The following ANHX variants were observed in gnomAD, a reference collection of about 807,000 sequenced individuals.
The protein encoded by ANHX is anomalous homeobox protein.
ANHX carries 20 observed loss-of-function variants against 38.9 expected under a neutral mutation model. The ratio of observed to expected loss-of-function variants is 0.51; its 90% CI spans 0.36 to 0.75. ANHX has a LOEUF of 0.75. Ranked by LOEUF, ANHX falls within the 30% of genes least tolerant of loss-of-function variation. The probability of loss-of-function intolerance (pLI) is 0.00; values close to 1 mark genes in which losing one functional copy is unlikely to be tolerated. For synonymous variants in ANHX, 185 were observed against 203.1 expected, an observed-to-expected ratio of 0.91 and a Z score of 0.76; for missense variants, 475 against 493.1, an observed-to-expected ratio of 0.96 and a Z score of 0.35.
chr12:133,226,819 T>C (rs1406478020), intron 5 of ANHX, 117 bp downstream of exon 5: 2 of 1,023,684 alleles, frequency 2.0e-6, no homozygotes, highest in Non-Finnish European at 2.7e-6. Flanking sequence ...GAGTGACACC[T>C]GGAACCTACT....
chr12:133,233,638 C>T (rs913737883), intron 2 of ANHX, among the ~76,000 whole-genome samples: 1 of 152,178 alleles, frequency 6.6e-6, no homozygotes, highest in Non-Finnish European at 1.5e-5. Context: ...TAAATAGCTT[C>T]AGATCAGCAC....
chr12:133,226,188 C>G, intron 6 of ANHX, 130 bp downstream of exon 6: 3 of 1,435,282 alleles, frequency 2.1e-6, no homozygotes, highest in Non-Finnish European at 1.9e-6. Flanking sequence ...TTCCCTCTCC[C>G]TGGGGTCTGA....
At chr12:133,223,514 C>T (rs867262623) in intron 7 of ANHX, among the ~76,000 whole-genome samples, 12 of 149,182 alleles carry the variant, frequency 8.0e-5, no homozygotes, top group Non-Finnish European at 1.6e-4. Flanking sequence ...AGCGCAATCT[C>T]AGCTCACTGC....
intron 7 of ANHX, among the ~76,000 whole-genome samples, chr12:133,224,689 GGC>G (rs1424587440): frequency 6.8e-6 from 1 of 146,526 alleles, no homozygotes; most frequent in Non-Finnish European, 1.5e-5. Flanking sequence ...AAAAATGCTG[GGC>G]GTGGTGGCTC....
rs148864437 is a variant in ANHX, at chr12:133,222,163, C to T, written c.1133-811G>A. Among the ~76,000 whole-genome samples the T allele has an allele frequency of 1.9e-3, 290 of 152,340 alleles. 1 individual carries two copies. The highest frequency in any genetic ancestry group is 6.6e-3 in the African/African-American group (275 of 41,582). ...TCCTCTTTCATGCAGACCTTACAGA[C>T]ACTCTGGAGAGAGGAAATAATGTTC... On this transcript the variant is annotated intron_variant, in intron 7 of 9. Transcript: ENST00000545940.
At chr12:133,220,536 A>G (rs997640292) in intron 8 of ANHX, among the ~76,000 whole-genome samples, 1 of 152,166 alleles carries the variant, frequency 6.6e-6, no homozygotes, top group Non-Finnish European at 1.5e-5. Flanking sequence ...TTCTGCCCTC[A>G]CTAGCATGAG....
At chr12:133,233,380 T>G (rs557977274) in intron 2 of ANHX, among the ~76,000 whole-genome samples, 1 of 152,330 alleles carries the variant, frequency 6.6e-6, no homozygotes, top group African/African-American at 2.4e-5. Flanking sequence ...AAACTCACAA[T>G]GAATTATGTA....
Position 133,234,503 on chromosome 12 carries a change from G to C in ANHX, c.-22-125C>G, listed in dbSNP as rs1957335050. 3.6e-6 allele frequency: 4 copies of C among 1,104,016 alleles called. No individual in the cohort carries two copies. In the Middle Eastern group the frequency reaches 6.5e-4, roughly 179 times the overall value. The allele number at this position is 1,104,016 out of a possible 1,614,324, so 68.4% of individuals were successfully genotyped here. A position where few individuals can be genotyped will look rare whatever the true frequency, so the allele number is the denominator to read the frequency against. On this transcript the variant is annotated intron_variant, in intron 1 of 9. Transcript: ENST00000545940. ...TTGTGCCGTGGACACTTGTAGAGTA[G>C]GAATAAGACCTCACACATCCCGAGA...
In ANHX at chr12:133,234,118, C is replaced by T. The variant is rs527842132; in HGVS notation, c.239G>A (p.Arg80His). ...GTAGCCCAGGCCTACCTCCAGGAGG[C>T]GGCAAGCCGCCTGCTGCTGCTCCTG... ...DQQEQQQAAC[R>H]LLEGCQVPGG... Residue 80 changes from arginine (R) to histidine (H), a missense_variant, in exon 2 of 10, where the codon CGC becomes CAC. Arg to His is a conservative substitution (Grantham distance 29). Coordinates refer to ENST00000545940, the MANE Select transcript of ANHX (RefSeq NM_001372060.1). 1.7e-4 allele frequency: 266 copies of T among 1,535,568 alleles called. No individual in the cohort carries two copies. The African/African-American group carries it at 3.1e-3, about 18-fold the overall frequency.
chr12:133,229,873 C>T (rs1467461490), intron 3 of ANHX, among the ~76,000 whole-genome samples: 1 of 152,118 alleles, frequency 6.6e-6, no homozygotes, highest in African/African-American at 2.4e-5. Flanking sequence ...TGAACACATA[C>T]ACCCCAAAAT....
chr12:133,223,236 G>A (rs568029664), intron 7 of ANHX, among the ~76,000 whole-genome samples: 1 of 151,496 alleles, frequency 6.6e-6, no homozygotes, highest in East Asian at 1.9e-4. Context: ...AAAATCAGAA[G>A]ACAGAATTTA....
In ANHX at chr12:133,221,015, G is replaced by T. The variant is rs1451030203; in HGVS notation, c.1280+190C>A. Among the ~76,000 whole-genome samples the T allele has an allele frequency of 6.6e-6, 1 of 152,164 alleles. No individual in the cohort carries two copies. The highest frequency in any genetic ancestry group is 2.1e-4 in the South Asian group (1 of 4,826). On this transcript the variant is annotated intron_variant, in intron 8 of 9. Transcript: ENST00000545940. The surrounding 1 kb of genome is among the most constrained non-coding windows in gnomAD (Gnocchi z 4.1). Reference sequence around the variant, plus strand: ...TGCCCACATCTGCTCTGATGTTTTGGGCTCTCCTGAGAGAAAAACTACCCT... The same window carrying T: ...TGCCCACATCTGCTCTGATGTTTTGTGCTCTCCTGAGAGAAAAACTACCCT...
chr12:133,227,407 G>A (rs1330364923), intron 4 of ANHX, among the ~76,000 whole-genome samples: 2 of 152,214 alleles, frequency 1.3e-5, no homozygotes, highest in African/African-American at 2.4e-5. Context: ...CCCCTGAGTG[G>A]GGCCCTTGCT....
chr12:133,231,405 C>T (rs1957272907), intron 3 of ANHX, 112 bp downstream of exon 3: 1 of 1,406,042 alleles, frequency 7.1e-7, no homozygotes, highest in Non-Finnish European at 9.6e-7. Context: ...CGGACATTTC[C>T]TGTCCCTATC....
rs373867978 is a variant in ANHX at position 133,234,269 on chromosome 12, G to A, written c.88C>T (p.Arg30Trp). 5.9e-6 allele frequency: 9 copies of A among 1,536,156 alleles called. No homozygotes were observed. Among genetic ancestry groups the A allele is most frequent in the East Asian group, 4.9e-5 (2 of 40,924 alleles). ...TGGGCAAGGTCATCCTGGAAGTCCC[G>A]GCACAGTCTGCCCGCAAGGGTCACC... The part of the protein sequence containing the change: ...ELVTLAGRLC[R>W]DFQDDLAQLQ... The change falls in exon 2 of 10, where the codon CGG (arginine) becomes TGG (tryptophan). Residue 30 changes from arginine to tryptophan, a missense_variant. By Grantham distance (101) the Arg-to-Trp change is moderately radical. Coordinates refer to ENST00000545940, the MANE Select transcript of ANHX (RefSeq NM_001372060.1).
At position 133,221,230 on chromosome 12, in the gene ANHX, C is replaced by T; in HGVS notation, c.1255G>A (p.Ala419Thr). The T allele has an allele frequency of 6.5e-7, 1 of 1,536,068 alleles. No homozygotes were observed. Among genetic ancestry groups the T allele is most frequent in the Non-Finnish European group, 8.7e-7 (1 of 1,146,896 alleles). The change falls in exon 8 of 10, where the codon GCT becomes ACT. Residue 419 changes from alanine (A) to threonine (T), a missense_variant. Transcript: ENST00000545940. The surrounding 1 kb of genome is among the most constrained non-coding windows in gnomAD (Gnocchi z 4.1). The stretch of plus-strand genomic sequence containing the variant: ...CTCTGGGTGAGGATGAATTCAGGAG[C>T]TTGCAGTGGGGGCTGTGTCACCAGG... ...SFLVTQPPLQ[A>T]PEFILTQSPP...
chr12:133,228,004 T>C (rs1957213505), intron 3 of ANHX, 57 bp from the exon 4 acceptor site: 1 of 1,526,970 alleles, frequency 6.5e-7, no homozygotes, highest in Non-Finnish European at 8.8e-7. Flanking sequence ...ATCTGTTCCC[T>C]TCTCCAGGCC....
intron 2 of ANHX, among the ~76,000 whole-genome samples, chr12:133,233,886 G>T (rs1957322830): frequency 6.6e-6 from 1 of 152,206 alleles, no homozygotes; most frequent in Admixed American, 6.5e-5. Context: ...CAAATGAGTA[G>T]TTTTAACTCA....
rs550526820 is a variant in ANHX at position 133,218,608 on chromosome 12, G to C, written c.*277C>G. 107 of 284,314 alleles carry C rather than the reference G, an allele frequency of 3.8e-4. No homozygotes were observed. The highest frequency in any genetic ancestry group is 2.1e-3 in the African/African-American group (96 of 45,972). 17.6% of individuals were successfully genotyped at this position (284,314 alleles called of 1,614,324 possible). A position where few individuals can be genotyped will look rare whatever the true frequency, so the allele number is the denominator to read the frequency against. On this transcript the variant is annotated 3_prime_UTR_variant, in exon 10 of 10. Transcript: ENST00000545940. ...GCCTTCTCTGCACGAGTGCCCCGGA[G>C]CCCGACTGATCCAGTGCTGCGTGAG...
Sources: gnomAD v4.1 joint callset for allele counts (sites outside exome capture counted in the v4.1 genomes callset) on GRCh38, gnomAD v4.1.1 for gene constraint, Gnocchi (gnomAD v3.1) non-coding constraint, MANE v1.5 for transcripts, NCBI Gene and HGNC (gene_info 2026-07-23, HGNC 2026-07-21) for gene names.